Variants in ERAP1 observed in about 807,000 individuals in gnomAD.
ERAP1 encodes endoplasmic reticulum aminopeptidase 1.
ERAP1 carries 86 observed loss-of-function variants against 103.7 expected under a neutral mutation model. The ratio of observed to expected loss-of-function variants is 0.83; its 90% CI spans 0.70 to 0.99. The LOEUF is 0.99. ERAP1 is among the 50% of genes least tolerant of loss of function. The pLI, the probability that ERAP1 is intolerant of heterozygous loss-of-function variation, is 0.00. For missense variants in ERAP1, 1,009 were observed against 1,128.4 expected (o/e 0.89, Z 1.52); for synonymous variants, 398 against 402.4 (o/e 0.99, Z 0.13).
At chr5:96,893,464 T>C in the ERAP1 span, among the ~76,000 whole-genome samples, 5 of 152,198 alleles carry the variant, frequency 3.3e-5, no homozygotes, top group Non-Finnish European at 5.9e-5. Context: ...CTGCTTCCTT[T>C]GGTTCAAAAT....
the ERAP1 span, among the ~76,000 whole-genome samples, chr5:96,894,584 T>C: frequency 5.3e-5 from 8 of 152,212 alleles, no homozygotes; most frequent in Non-Finnish European, 1.0e-4. Flanking sequence ...TTAAAATGCA[T>C]AATACAGATC....
downstream of ERAP1, chr5:96,771,600 A>C (rs1173916334): frequency 1.3e-6 from 2 of 1,552,710 alleles, no homozygotes; most frequent in African/African-American, 2.7e-5. Flanking sequence ...CTCATACTTA[A>C]TACAGAAAAG....
chr5:96,865,686 T>C, the ERAP1 span, among the ~76,000 whole-genome samples: 1 of 152,250 alleles, frequency 6.6e-6, no homozygotes, highest in African/African-American at 2.4e-5. Context: ...GCTTTAATTA[T>C]GCCATACCAG....
chr5:96,781,871 A>G lies in ERAP1; in HGVS notation c.2286-17T>C, dbSNP rs767175696. 10 of 1,612,794 alleles carry G rather than the reference A, an allele frequency of 6.2e-6. No homozygotes were observed. The African/African-American group carries it at 1.3e-4, about 22-fold the overall frequency. On this transcript the variant is annotated splice_polypyrimidine_tract_variant and intron_variant, in intron 15 of 18. Transcript: ENST00000443439. ...ACAGGCAGGCTATAGAAAGGAACAC[A>G]CTCGGTGAGAATCTGAGGTGCAGTA...
chr5:96,886,628 A>G, the ERAP1 span: 2 of 1,473,976 alleles, frequency 1.4e-6, no homozygotes, highest in Non-Finnish European at 1.8e-6. Context: ...GTTTTCAAGT[A>G]CTGATTATTC....
chr5:96,927,318 T>C, the ERAP1 span, among the ~76,000 whole-genome samples: 1 of 152,254 alleles, frequency 6.6e-6, no homozygotes, highest in African/African-American at 2.4e-5. Context: ...CAGTATTTAC[T>C]ATTATCTGGT....
downstream of ERAP1, chr5:96,771,735 A>G (rs1463930318): frequency 5.1e-6 from 7 of 1,365,770 alleles, no homozygotes; most frequent in South Asian, 7.1e-5. Flanking sequence ...AATGAAGACA[A>G]CTGTATCTTC....
In ERAP1 at chr5:96,790,513, C is replaced by T. The variant is rs778459913; in HGVS notation, c.1451G>A (p.Ser484Asn). Residue 484 changes from serine (S) to asparagine (N), a missense_variant and splice_region_variant, in exon 9 of 19, where the codon AGT becomes AAT. Transcript: ENST00000443439. ...KNEDLWDSMA[S>N]ICPTDGVKGM... Reference sequence around the variant, plus strand: ...AGAGATATTCAAAAACATACTCACACTTGCCATACTATCCCACAGGTCCTC... The same window carrying T: ...AGAGATATTCAAAAACATACTCACATTTGCCATACTATCCCACAGGTCCTC... The T allele has an allele frequency of 2.8e-5, 45 of 1,613,892 alleles. No individual in the cohort carries two copies. In the South Asian group the frequency reaches 3.8e-4, roughly 14 times the overall value.
the ERAP1 span, among the ~76,000 whole-genome samples, chr5:96,835,079 C>G: frequency 6.6e-6 from 1 of 152,168 alleles, no homozygotes; most frequent in Admixed American, 6.6e-5. Context: ...GGCTGTTAGG[C>G]GTGTACTAGT....
chr5:96,846,310 A>G, the ERAP1 span, among the ~76,000 whole-genome samples: 2 of 152,248 alleles, frequency 1.3e-5, no homozygotes, highest in African/African-American at 4.8e-5. Flanking sequence ...GCACTGGTCT[A>G]TTTACTCTTT....
chr5:96,767,499 C>T (rs761397538), intron 19 of ERAP1: 8 of 1,605,820 alleles, frequency 5.0e-6, no homozygotes, highest in Non-Finnish European at 6.8e-6. Context: ...ACCATAGGAA[C>T]ATATTTCCAT....
chr5:96,783,797 T>A, intron 14 of ERAP1, 127 bp downstream of exon 14: 1 of 1,015,320 alleles, frequency 9.8e-7, no homozygotes, highest in Non-Finnish European at 1.4e-6. Context: ...TATTTGCTTT[T>A]CCTTAATATG....
chr5:96,923,568 C>A, the ERAP1 span, among the ~76,000 whole-genome samples: 2 of 151,674 alleles, frequency 1.3e-5, no homozygotes, highest in African/African-American at 4.8e-5. Context: ...GTGGCGGGCG[C>A]CCGTAGTCCC....
the ERAP1 span, among the ~76,000 whole-genome samples, chr5:96,854,252 C>T: frequency 6.6e-6 from 1 of 152,182 alleles, no homozygotes; most frequent in East Asian, 1.9e-4. Context: ...TTAGCAGTGT[C>T]TATCTGGCAA....
the ERAP1 span, among the ~76,000 whole-genome samples, chr5:96,903,961 ACT>A: frequency 6.6e-6 from 1 of 152,044 alleles, no homozygotes; most frequent in Admixed American, 6.6e-5. Context: ...CTTAGTGTGG[ACT>A]CTCTAAGTAT....
the ERAP1 span, among the ~76,000 whole-genome samples, chr5:96,922,958 A>ATGTTTTT: frequency 2.6e-4 from 39 of 149,818 alleles, no homozygotes; most frequent in Non-Finnish European, 4.6e-4. Context: ...CACTATTTGG[A>ATGTTTTT]TGTTTTTTGT....
At chr5:96,880,309 C>A in the ERAP1 span, 4 of 1,482,222 alleles carry the variant, frequency 2.7e-6, no homozygotes, top group Non-Finnish European at 3.7e-6. Flanking sequence ...AATTTCCTTA[C>A]GAGTTACATC....
the ERAP1 span, among the ~76,000 whole-genome samples, chr5:96,897,811 A>G: frequency 6.6e-6 from 1 of 152,266 alleles, no homozygotes; most frequent in Admixed American, 6.5e-5. Flanking sequence ...AAGTCATTGT[A>G]GACAGAAGAG....
the ERAP1 span, among the ~76,000 whole-genome samples, chr5:96,861,571 G>C: frequency 6.6e-6 from 1 of 152,314 alleles, no homozygotes; most frequent in East Asian, 1.9e-4. Flanking sequence ...CTCTGATGCT[G>C]TGGATACCAT....
Sources: allele counts gnomAD v4.1 joint callset (sites outside exome capture counted in the v4.1 genomes callset), GRCh38; gene constraint gnomAD v4.1.1; transcripts MANE v1.5; gene names NCBI Gene and HGNC (gene_info 2026-07-23, HGNC 2026-07-21).